The following CHM variants were observed in gnomAD, a reference collection of about 807,000 sequenced individuals.
The protein encoded by CHM is CHM Rab escort protein, also known as rab proteins geranylgeranyltransferase component A 1.
A neutral mutation model predicts 49.0 loss-of-function variants in CHM; 10 were observed. That is an observed-to-expected ratio of 0.20 (90% confidence interval 0.13 to 0.35). The LOEUF is 0.35. CHM is among the 10% of genes least tolerant of loss of function. The probability of loss-of-function intolerance (pLI) is 1.00; values close to 1 mark genes in which losing one functional copy is unlikely to be tolerated. For missense variants in CHM, 455 were observed against 478.4 expected (o/e 0.95, Z 0.46); for synonymous variants, 184 against 167.5 (o/e 1.10, Z -0.76).
At chrX:85,909,775 T>C (rs1235581977) in intron 9 of CHM, among the ~76,000 whole-genome samples, 1 of 112,202 alleles carries the variant, frequency 8.9e-6, no homozygotes, top group Non-Finnish European at 1.9e-5. Context: ...TGCAAATTAT[T>C]CATGTCACAT....
chrX:85,892,007 G>A (rs1387032600), intron 12 of CHM, among the ~76,000 whole-genome samples: 6 of 111,741 alleles, frequency 5.4e-5, no homozygotes, highest in Admixed American at 1.9e-4. Flanking sequence ...TGACTGCCCC[G>A]CTGGAATTTG....
At chrX:85,941,296 C>T (rs906660606) in intron 8 of CHM, among the ~76,000 whole-genome samples, 1 of 111,455 alleles carries the variant, frequency 9.0e-6, no homozygotes. Flanking sequence ...ATGAGCAACA[C>T]CTGGGAATTT....
At chrX:85,879,089 C>T in intron 12 of CHM, 26 bp from the exon 13 acceptor site, 4 of 1,013,062 alleles carry the variant, frequency 3.9e-6, no homozygotes, top group Non-Finnish European at 5.5e-6. Context: ...TATTTGAGTT[C>T]CTTGTCATCA....
rs746588399 is a variant in CHM at position 85,923,203 on chromosome X, T to C, written c.1167-11865A>G. Among the ~76,000 whole-genome samples, 109 of 112,280 alleles carry C rather than the reference T, an allele frequency of 9.7e-4. 1 individual carries two copies. The highest frequency in any genetic ancestry group is 1.6e-3 in the Non-Finnish European group (87 of 53,231). On this transcript the variant is annotated intron_variant, in intron 8 of 14. Coordinates refer to ENST00000357749, the MANE Select transcript of CHM (RefSeq NM_000390.4). Reference sequence around the variant, plus strand: ...TGCTTCAGTTCTCAAGACTATAAAATGGGGATAATGATATCTATTGCATAG... The same window carrying C: ...TGCTTCAGTTCTCAAGACTATAAAACGGGGATAATGATATCTATTGCATAG...
chrX:85,936,914 G>A (rs1342011416), intron 8 of CHM, among the ~76,000 whole-genome samples: 3 of 111,421 alleles, frequency 2.7e-5, no homozygotes, highest in Admixed American at 9.6e-5. Context: ...TCACAACTGG[G>A]TAACAGTATA....
chrX:85,905,346 C>G (rs2223344), intron 9 of CHM, among the ~76,000 whole-genome samples: 30,481 of 110,963 alleles, frequency 0.27, 3,377 homozygotes, highest in Admixed American at 0.39. Flanking sequence ...GACCTGCTAG[C>G]AAATTGGTAG....
In CHM at chrX:85,894,284, T is replaced by C. The variant is rs1288677211; in HGVS notation, c.1414A>G (p.Ile472Val). The change falls in exon 12 of 15, where the codon ATT becomes GTT. Residue 472 changes from isoleucine to valine, a missense_variant and splice_region_variant. Physicochemically the swap from Ile to Val is conservative, Grantham distance 29. Coordinates refer to ENST00000357749, the MANE Select transcript of CHM (RefSeq NM_000390.4). ...TCTGCTGGCACTGTCAAAATGGAAATCTAAAAAGCAAAAATAAAGTATCAG... is the reference window on the plus strand; with the variant it reads ...TCTGCTGGCACTGTCAAAATGGAAACCTAAAAAGCAAAAATAAAGTATCAG... The part of the protein sequence containing the change: ...SVLKTDSDQQ[I>V]SILTVPAEEP... 2 of 1,192,459 alleles carry C rather than the reference T, an allele frequency of 1.7e-6. No individual in the cohort carries two copies.
chrX:85,898,431 C>T (rs1185468410), intron 11 of CHM, among the ~76,000 whole-genome samples: 2 of 111,527 alleles, frequency 1.8e-5, no homozygotes, highest in Non-Finnish European at 3.8e-5. Context: ...AATTATCCTC[C>T]TTCTTACTTC....
intron 12 of CHM, among the ~76,000 whole-genome samples, chrX:85,890,841 G>T (rs1394473165): frequency 9.0e-6 from 1 of 111,700 alleles, no homozygotes; most frequent in Non-Finnish European, 1.9e-5. Flanking sequence ...ACAATTTGGA[G>T]GGCTCAGAAG....
At chrX:85,990,532 G>A (rs1035200564) in intron 2 of CHM, among the ~76,000 whole-genome samples, 6 of 111,277 alleles carry the variant, frequency 5.4e-5, no homozygotes, top group Non-Finnish European at 7.6e-5. Flanking sequence ...TGAAAGCTTC[G>A]CATAGCTTAT....
intron 12 of CHM, among the ~76,000 whole-genome samples, chrX:85,885,880 A>G (rs1925054461): frequency 8.9e-6 from 1 of 111,759 alleles, no homozygotes; most frequent in African/African-American, 3.2e-5. Flanking sequence ...CACTTATTTT[A>G]AGTAGTTGTT....
intron 2 of CHM, among the ~76,000 whole-genome samples, chrX:86,003,922 A>G (rs1002425813): frequency 3.6e-5 from 4 of 111,748 alleles, no homozygotes; most frequent in Non-Finnish European, 7.5e-5. Context: ...TGCCACAAAG[A>G]TAATCCTCAA....
intron 2 of CHM, among the ~76,000 whole-genome samples, chrX:85,992,621 T>C (rs779021007): frequency 4.9e-4 from 55 of 111,947 alleles, no homozygotes; most frequent in Admixed American, 3.8e-4. Context: ...CCTTTCACCA[T>C]CTCCTCATTC....
rs1422697595 is a variant in CHM, at chrX:85,862,070, C to T, written c.*2560G>A. ...ATATAAAGTTCTTAAAGTCTTTTAT[C>T]AGTTGTATGATATTTTAATCATCAT... is the stretch of plus-strand genomic sequence containing the variant. On this transcript the variant is annotated 3_prime_UTR_variant, in exon 15 of 15. Transcript: ENST00000357749. 8.9e-6 allele frequency: 1 copy of T among 111,890 alleles called. No homozygotes were observed. The highest frequency in any genetic ancestry group is 3.2e-5 in the African/African-American group (1 of 30,832). 9.2% of individuals were successfully genotyped at this position (111,890 alleles called of 1,213,427 possible).
intron 2 of CHM, among the ~76,000 whole-genome samples, chrX:85,985,040 G>A (rs1238147750): frequency 9.0e-6 from 1 of 111,593 alleles, no homozygotes; most frequent in Non-Finnish European, 1.9e-5. Flanking sequence ...GAATTCAGAG[G>A]ACTGGGCAGC....
chrX:85,944,975 T>C (rs772672718), intron 8 of CHM, among the ~76,000 whole-genome samples: 21 of 111,992 alleles, frequency 1.9e-4, no homozygotes, highest in African/African-American at 6.8e-4. Flanking sequence ...ATCATGTCCT[T>C]TGCAGGAACA....
chrX:86,013,011 T>C (rs1933140212), intron 2 of CHM, among the ~76,000 whole-genome samples: 1 of 111,659 alleles, frequency 9.0e-6, no homozygotes, highest in Admixed American at 9.5e-5. Flanking sequence ...TTTTCTACAC[T>C]GCTATGCCCA....
At chrX:85,867,815 A>C (rs1422825217) in intron 14 of CHM, among the ~76,000 whole-genome samples, 1 of 112,332 alleles carries the variant, frequency 8.9e-6, no homozygotes, top group East Asian at 2.8e-4. Flanking sequence ...ATTTAAGCTG[A>C]ACTTATTAGT....
chrX:85,937,282 C>A (rs1036784782), intron 8 of CHM, among the ~76,000 whole-genome samples: 3 of 99,875 alleles, frequency 3.0e-5, no homozygotes, highest in Admixed American at 1.1e-4. Context: ...AAAAAAAAAA[C>A]AGTCTGTGTA....
Sources: gnomAD v4.1 joint callset for allele counts (sites outside exome capture counted in the v4.1 genomes callset) on GRCh38, gnomAD v4.1.1 for gene constraint, MANE v1.5 for transcripts, NCBI Gene and HGNC (gene_info 2026-07-23, HGNC 2026-07-21) for gene names.